Variants in CDH22 observed in about 807,000 individuals in gnomAD.
CDH22 encodes cadherin-22.
CDH22 carries 30 observed loss-of-function variants against 58.4 expected under a neutral mutation model. That is an observed-to-expected ratio of 0.51 (90% CI 0.38 to 0.70). CDH22 has a LOEUF of 0.70. Ranked by LOEUF, CDH22 falls within the 30% of genes least tolerant of loss-of-function variation. The pLI, the probability that CDH22 is intolerant of heterozygous loss-of-function variation, is 0.00. For synonymous variants in CDH22, 513 were observed against 558.2 expected (o/e 0.92, Z 1.14); for missense variants, 1,014 against 1,233.9 (o/e 0.82, Z 2.67).
intron 3 of CDH22, among the ~76,000 whole-genome samples, chr20:46,235,105 T>C (rs935734207): frequency 6.6e-6 from 1 of 152,268 alleles, no homozygotes; most frequent in African/African-American, 2.4e-5. Context: ...TACTTATCTT[T>C]GCATCCTCTG....
At chr20:46,177,792 TG>T (rs1405471682) in intron 11 of CDH22, among the ~76,000 whole-genome samples, 153 bp downstream of exon 11, 1 of 152,124 alleles carries the variant, frequency 6.6e-6, no homozygotes, top group Non-Finnish European at 1.5e-5. Context: ...AGACTCCTCA[TG>T]GGGGCTGCTT....
intron 4 of CDH22, 74 bp downstream of exon 4, chr20:46,227,434 T>C: frequency 7.3e-7 from 1 of 1,371,778 alleles, no homozygotes. Flanking sequence ...AGCAGACGTC[T>C]GGGGTGGTCC....
intron 8 of CDH22, among the ~76,000 whole-genome samples, chr20:46,195,128 T>C (rs1008573823): frequency 6.6e-6 from 1 of 152,212 alleles, no homozygotes. Context: ...GGTAACAAGA[T>C]GGGAGTGACC....
chr20:46,194,187 C>G (rs910757722), intron 8 of CDH22, among the ~76,000 whole-genome samples: 2 of 152,170 alleles, frequency 1.3e-5, no homozygotes, highest in African/African-American at 4.8e-5. Context: ...CCCGTGAACT[C>G]TCAGGTCAGT....
chr20:46,175,880 C>G (rs1260643518), intron 11 of CDH22, among the ~76,000 whole-genome samples: 1 of 152,216 alleles, frequency 6.6e-6, no homozygotes, highest in African/African-American at 2.4e-5. Flanking sequence ...GTCTCCACCC[C>G]AAAACACACA....
intron 2 of CDH22, among the ~76,000 whole-genome samples, chr20:46,244,687 C>T (rs2086315777): frequency 6.6e-6 from 1 of 152,190 alleles, no homozygotes; most frequent in South Asian, 2.1e-4. Context: ...TCTGGCTAGT[C>T]TGCTTACAAT....
At chr20:46,294,688 C>T (rs1481602819) in intron 1 of CDH22, among the ~76,000 whole-genome samples, 1 of 152,174 alleles carries the variant, frequency 6.6e-6, no homozygotes, top group African/African-American at 2.4e-5. Flanking sequence ...AGGGCTCCCC[C>T]CAACCTCTGC....
intron 7 of CDH22, among the ~76,000 whole-genome samples, chr20:46,204,315 A>AC (rs1186736270): frequency 2.0e-5 from 3 of 149,436 alleles, no homozygotes; most frequent in Admixed American, 6.7e-5. Context: ...AATTGCATGA[A>AC]CCCGGGAGGC....
chr20:46,307,752 G>T (rs931777516), intron 1 of CDH22, among the ~76,000 whole-genome samples: 2 of 151,980 alleles, frequency 1.3e-5, no homozygotes, highest in Admixed American at 6.5e-5. Flanking sequence ...ACACGCTCGC[G>T]CCGTGCGGTA....
At chr20:46,202,599 C>T (rs1307022786) in intron 7 of CDH22, among the ~76,000 whole-genome samples, 4 of 152,068 alleles carry the variant, frequency 2.6e-5, no homozygotes, top group Non-Finnish European at 4.4e-5. Flanking sequence ...GTGATCCGCC[C>T]GCCTCGGCCT....
intron 4 of CDH22, among the ~76,000 whole-genome samples, chr20:46,221,915 A>G (rs1173587205): frequency 6.6e-6 from 1 of 152,182 alleles, no homozygotes; most frequent in African/African-American, 2.4e-5. Context: ...TTCATTCATT[A>G]CAGTCTTGCC....
intron 1 of CDH22, among the ~76,000 whole-genome samples, chr20:46,256,626 T>C (rs2086407995): frequency 6.6e-6 from 1 of 152,170 alleles, no homozygotes; most frequent in Non-Finnish European, 1.5e-5. Flanking sequence ...CTACAGGCTC[T>C]CTTGGGATTT....
At chr20:46,223,739 T>C (rs59573612) in intron 4 of CDH22, among the ~76,000 whole-genome samples, 1 of 149,632 alleles carries the variant, frequency 6.7e-6, no homozygotes, top group Non-Finnish European at 1.5e-5. Flanking sequence ...CTTTCTTTCT[T>C]TCTCTTTCCT....
chr20:46,265,464 G>A (rs1159927505), intron 1 of CDH22, among the ~76,000 whole-genome samples: 1 of 151,994 alleles, frequency 6.6e-6, no homozygotes, highest in Non-Finnish European at 1.5e-5. Context: ...ACTGAAAATA[G>A]CCCCCTCCTC....
At chr20:46,304,645 G>A (rs188453551) in intron 1 of CDH22, among the ~76,000 whole-genome samples, 13 of 152,310 alleles carry the variant, frequency 8.5e-5, no homozygotes, top group African/African-American at 3.1e-4. Flanking sequence ...TGCTGATGGG[G>A]CATGGAGGGA....
At chr20:46,233,811 C>A (rs925771430) in intron 3 of CDH22, among the ~76,000 whole-genome samples, 5 of 152,272 alleles carry the variant, frequency 3.3e-5, no homozygotes, top group African/African-American at 7.2e-5. Context: ...CCGTTCCCCC[C>A]AGCACGGGTG....
intron 5 of CDH22, among the ~76,000 whole-genome samples, chr20:46,214,001 T>G (rs1246232879): frequency 1.3e-5 from 2 of 152,032 alleles, no homozygotes; most frequent in Non-Finnish European, 2.9e-5. Context: ...TGTTGCGCAG[T>G]TTTAAATAGG....
At chr20:46,246,617 C>T (rs936613460) in intron 2 of CDH22, among the ~76,000 whole-genome samples, 2 of 152,010 alleles carry the variant, frequency 1.3e-5, no homozygotes, top group African/African-American at 4.8e-5. Flanking sequence ...GGCAGGGCCG[C>T]GGAAGGAGCT....
At chr20:46,278,876 T>C (rs6032743) in intron 1 of CDH22, among the ~76,000 whole-genome samples, 101 of 152,272 alleles carry the variant, frequency 6.6e-4, no homozygotes, top group African/African-American at 2.4e-3. Flanking sequence ...GTGTGAGCCA[T>C]TGCACTGGGC....
Sources: allele counts gnomAD v4.1 joint callset (sites outside exome capture counted in the v4.1 genomes callset), GRCh38; gene constraint gnomAD v4.1.1; transcripts MANE v1.5; gene names NCBI Gene and HGNC (gene_info 2026-07-23, HGNC 2026-07-21).